The following ASPRV1 variants were observed in gnomAD, a reference collection of about 807,000 sequenced individuals.
ASPRV1 encodes retroviral-like aspartic protease 1.
Under a neutral mutation model 11.0 loss-of-function variants are expected in ASPRV1, and 7 were observed. That is an observed-to-expected ratio of 0.64 (90% CI 0.36 to 1.20). ASPRV1 has a LOEUF of 1.20. Ranked by LOEUF, ASPRV1 falls within the 50% of genes most tolerant of loss-of-function variation. The pLI is 0.02. For missense variants in ASPRV1, 299 were observed against 320.0 expected, an observed-to-expected ratio of 0.93 and a Z score of 0.50; for synonymous variants, 136 against 138.4, an observed-to-expected ratio of 0.98 and a Z score of 0.12.
chr2:69,981,338 G>A, the ASPRV1 span, among the ~76,000 whole-genome samples: 2 of 152,186 alleles, frequency 1.3e-5, no homozygotes, highest in East Asian at 1.9e-4. Flanking sequence ...ATTTATTGAC[G>A]TGGAAAATGC....
chr2:70,005,951 C>A, the ASPRV1 span, among the ~76,000 whole-genome samples: 1 of 152,202 alleles, frequency 6.6e-6, no homozygotes, highest in African/African-American at 2.4e-5. Context: ...GCACTGTCTG[C>A]CCTTCGATAG....
the ASPRV1 span, chr2:70,031,324 T>C: frequency 2.0e-5 from 3 of 152,204 alleles, no homozygotes; most frequent in Non-Finnish European, 2.9e-5. Context: ...ATAAAATTTA[T>C]GGCACTGATT....
At chr2:70,025,185 C>T in the ASPRV1 span, among the ~76,000 whole-genome samples, 2 of 152,146 alleles carry the variant, frequency 1.3e-5, no homozygotes, top group East Asian at 1.9e-4. Context: ...CACGCATACA[C>T]GCATGCATGT....
At chr2:69,935,817 C>G in the ASPRV1 span, among the ~76,000 whole-genome samples, 5 of 152,202 alleles carry the variant, frequency 3.3e-5, no homozygotes, top group Non-Finnish European at 7.3e-5. Flanking sequence ...ATAAAATCCT[C>G]AGAGGTCTCC....
the ASPRV1 span, among the ~76,000 whole-genome samples, chr2:70,025,585 C>A: frequency 6.6e-6 from 1 of 152,274 alleles, no homozygotes; most frequent in East Asian, 1.9e-4. Context: ...AGAAAGGATT[C>A]TTTTGTGGAT....
chr2:70,001,943 T>C, the ASPRV1 span, among the ~76,000 whole-genome samples: 1 of 152,182 alleles, frequency 6.6e-6, no homozygotes, highest in African/African-American at 2.4e-5. Context: ...TCACAATGTA[T>C]TGCTAAGTAT....
the ASPRV1 span, among the ~76,000 whole-genome samples, chr2:70,009,052 TGAGGGCAGAAAAA>T: frequency 6.6e-6 from 1 of 152,232 alleles, no homozygotes; most frequent in African/African-American, 2.4e-5. Flanking sequence ...TCCATAAATG[TGAGGGCAGAAAAA>T]GAGAAAATTC....
At chr2:69,969,751 T>C in the ASPRV1 span, among the ~76,000 whole-genome samples, 1 of 152,248 alleles carries the variant, frequency 6.6e-6, no homozygotes, top group African/African-American at 2.4e-5. Context: ...CCTGTGTTTT[T>C]TGTTTGTTTC....
the ASPRV1 span, among the ~76,000 whole-genome samples, chr2:69,949,025 C>T: frequency 6.6e-6 from 1 of 152,152 alleles, no homozygotes; most frequent in South Asian, 2.1e-4. Context: ...CTTGAGGACC[C>T]CCGACTCCAC....
At chr2:70,070,176 T>A in the ASPRV1 span, 2 of 67,008 alleles carry the variant, frequency 3.0e-5, no homozygotes, top group African/African-American at 7.5e-5. Context: ...CAAGACTCCA[T>A]CTCAAAAAAA....
chr2:70,028,970 C>A, the ASPRV1 span, among the ~76,000 whole-genome samples: 2 of 152,082 alleles, frequency 1.3e-5, no homozygotes, highest in Non-Finnish European at 2.9e-5. Flanking sequence ...ATAAATTCTC[C>A]TTCCCAAAAT....
chr2:70,069,606 G>C, the ASPRV1 span, among the ~76,000 whole-genome samples: 1 of 152,170 alleles, frequency 6.6e-6, no homozygotes, highest in Non-Finnish European at 1.5e-5. Context: ...GAATTCTTTA[G>C]CCCTTCAAAT....
chr2:70,043,560 T>C, the ASPRV1 span, among the ~76,000 whole-genome samples: 1 of 152,252 alleles, frequency 6.6e-6, no homozygotes, highest in African/African-American at 2.4e-5. Context: ...TTGTCATCGC[T>C]TTTTGCATGG....
chr2:69,977,152 G>A, the ASPRV1 span, among the ~76,000 whole-genome samples: 2 of 151,646 alleles, frequency 1.3e-5, no homozygotes, highest in African/African-American at 4.9e-5. Flanking sequence ...CTCCAGCCTG[G>A]GCTACAGAGT....
At chr2:70,009,519 C>T in the ASPRV1 span, among the ~76,000 whole-genome samples, 839 of 152,152 alleles carry the variant, frequency 5.5e-3, 7 homozygotes, top group Middle Eastern at 0.02. Flanking sequence ...TTAGTGGAGG[C>T]AGGGTTTACC....
chr2:70,044,011 A>C, the ASPRV1 span, among the ~76,000 whole-genome samples: 1,525 of 152,158 alleles, frequency 0.01, 16 homozygotes, highest in Non-Finnish European at 0.017. Flanking sequence ...CAAGGCCTTT[A>C]TCTCAAACTC....
chr2:69,989,209 G>A, the ASPRV1 span, among the ~76,000 whole-genome samples: 1 of 152,240 alleles, frequency 6.6e-6, no homozygotes, highest in Non-Finnish European at 1.5e-5. Flanking sequence ...CAGGGTTCTT[G>A]GCTGAGTCAC....
At chr2:70,022,626 G>T in the ASPRV1 span, among the ~76,000 whole-genome samples, 3 of 152,016 alleles carry the variant, frequency 2.0e-5, no homozygotes, top group African/African-American at 7.2e-5. Context: ...GGAGGTCAAG[G>T]CTGCAGTGAG....
chr2:70,082,836 G>A, the ASPRV1 span, among the ~76,000 whole-genome samples: 3 of 152,206 alleles, frequency 2.0e-5, no homozygotes, highest in African/African-American at 4.8e-5. Flanking sequence ...AGAGGTGGCA[G>A]TGAGCTACGA....
Sources: gnomAD v4.1 joint callset for allele counts (sites outside exome capture counted in the v4.1 genomes callset) on GRCh38, gnomAD v4.1.1 for gene constraint, MANE v1.5 for transcripts, NCBI Gene and HGNC (gene_info 2026-07-23, HGNC 2026-07-21) for gene names.